The following MARCHF3 variants were observed in gnomAD, a reference collection of about 807,000 sequenced individuals.
MARCHF3 encodes the protein membrane associated ring-CH-type finger 3, also known as E3 ubiquitin-protein ligase MARCHF3.
A neutral mutation model predicts 24.2 loss-of-function variants in MARCHF3; 13 were observed. That is an observed-to-expected ratio of 0.54 (90% CI 0.35 to 0.85). MARCHF3 has a LOEUF of 0.85. Ranked by LOEUF, MARCHF3 falls within the 40% of genes least tolerant of loss-of-function variation. MARCHF3 has a pLI of 0.01. For synonymous variants in MARCHF3, 144 were observed against 137.3 expected (o/e 1.05, Z -0.34); for missense variants, 276 against 325.0 (o/e 0.85, Z 1.16).
At chr5:126,939,971 G>C (rs1749774251) in intron 1 of MARCHF3, among the ~76,000 whole-genome samples, 1 of 152,158 alleles carries the variant, frequency 6.6e-6, no homozygotes. Context: ...CTTGTGCTTA[G>C]GAACACTAGC....
intron 1 of MARCHF3, among the ~76,000 whole-genome samples, chr5:126,934,417 T>C (rs1471331207): frequency 1.3e-5 from 2 of 152,008 alleles, no homozygotes; most frequent in Non-Finnish European, 2.9e-5. Context: ...TAACTGCTAT[T>C]TGATGGTAGC....
intron 3 of MARCHF3, among the ~76,000 whole-genome samples, chr5:126,906,415 T>C (rs966895570): frequency 5.3e-5 from 8 of 152,230 alleles, no homozygotes; most frequent in Non-Finnish European, 8.8e-5. Flanking sequence ...CTTGTACCTC[T>C]GGTAGAATTC....
At chr5:126,924,240 A>G (rs1277915407) in intron 1 of MARCHF3, among the ~76,000 whole-genome samples, 1 of 152,222 alleles carries the variant, frequency 6.6e-6, no homozygotes, top group Non-Finnish European at 1.5e-5. Context: ...GTTCTGCGTC[A>G]TTAATGCTGG....
At position 127,003,422 on chromosome 5, in the gene MARCHF3, C is replaced by G. The variant is rs1017890974; in HGVS notation, c.-57+26928G>C. Among the ~76,000 whole-genome samples, 24 of 146,880 alleles carry G rather than the reference C, an allele frequency of 1.6e-4. 1 individual carries two copies. The highest frequency in any genetic ancestry group is 8.9e-4 in the Admixed American group (13 of 14,620). On this transcript the variant is annotated intron_variant, in intron 1 of 4. Coordinates refer to ENST00000308660, the MANE Select transcript of MARCHF3 (RefSeq NM_178450.5). Reference sequence around the variant, plus strand: ...GGCGGAGCTTGCAGTGAGCCGAGATCGCGCCACTGCACTCCAGCCTGGGCG... The same window carrying G: ...GGCGGAGCTTGCAGTGAGCCGAGATGGCGCCACTGCACTCCAGCCTGGGCG...
Position 126,879,573 on chromosome 5 carries a change from C to T in MARCHF3, c.394-1179G>A, listed in dbSNP as rs113385401. ...TTCTACAGTTAGGAAAATAGGATGG[C>T]TGTCCTCCCATTTGGGTACCTGCTT... On this transcript the variant is annotated intron_variant, in intron 3 of 4. Transcript: ENST00000308660. Among the ~76,000 whole-genome samples, 203 of 152,334 alleles carry T rather than the reference C, an allele frequency of 1.3e-3. 2 individuals carry two copies. Among genetic ancestry groups the T allele is most frequent in the African/African-American group, 4.7e-3 (194 of 41,572 alleles).
At chr5:126,914,811 CAGTCACAT>C (rs1754663490) in intron 3 of MARCHF3, 111 bp downstream of exon 3, 2 of 869,232 alleles carry the variant, frequency 2.3e-6, no homozygotes, top group Non-Finnish European at 3.6e-6. Context: ...CACACACACA[CAGTCACAT>C]AGCTATTACC....
At chr5:126,870,958 G>C (rs915536735) in intron 4 of MARCHF3, among the ~76,000 whole-genome samples, 167 bp from the exon 5 acceptor site, 19 of 152,256 alleles carry the variant, frequency 1.2e-4, no homozygotes, top group Admixed American at 8.5e-4. Flanking sequence ...AGTGTTGAGA[G>C]ATTGGGCACC....
intron 1 of MARCHF3, among the ~76,000 whole-genome samples, chr5:126,958,317 G>A (rs529021732): frequency 6.6e-6 from 1 of 151,096 alleles, no homozygotes; most frequent in East Asian, 1.9e-4. Flanking sequence ...GGTGCTTCCA[G>A]TTTACCATTA....
At chr5:127,006,203 A>G (rs2126854188) in intron 1 of MARCHF3, among the ~76,000 whole-genome samples, 1 of 150,604 alleles carries the variant, frequency 6.6e-6, no homozygotes, top group South Asian at 2.1e-4. Flanking sequence ...GCTCTGTCAA[A>G]AAAAAAAAAA....
chr5:127,023,235 C>T (rs567538987), intron 1 of MARCHF3, among the ~76,000 whole-genome samples: 6 of 152,236 alleles, frequency 3.9e-5, no homozygotes, highest in African/African-American at 1.4e-4. Flanking sequence ...TATAAGTCCC[C>T]TATTTGGTCC....
At chr5:126,937,330 C>T (rs1002924940) in intron 1 of MARCHF3, among the ~76,000 whole-genome samples, 2 of 151,480 alleles carry the variant, frequency 1.3e-5, no homozygotes, top group African/African-American at 4.9e-5. Flanking sequence ...ATCTGGTTAC[C>T]TTTTTTTTTC....
At chr5:126,921,752 G>T (rs751143022) in intron 1 of MARCHF3, among the ~76,000 whole-genome samples, 8 of 152,206 alleles carry the variant, frequency 5.3e-5, no homozygotes, top group Non-Finnish European at 1.0e-4. Flanking sequence ...AAACGGCACT[G>T]GTGGGATGGG....
intron 3 of MARCHF3, among the ~76,000 whole-genome samples, chr5:126,913,049 T>TGAC (rs1754595514): frequency 6.6e-6 from 1 of 152,268 alleles, no homozygotes; most frequent in Non-Finnish European, 1.5e-5. Context: ...GTCTGTGACC[T>TGAC]GACCTCAGCA....
intron 1 of MARCHF3, among the ~76,000 whole-genome samples, chr5:126,996,927 G>C (rs1751966061): frequency 2.0e-5 from 3 of 152,132 alleles, no homozygotes; most frequent in African/African-American, 7.2e-5. Context: ...AAACTTCTAG[G>C]AGGGTGCATA....
At chr5:126,964,298 G>T (rs1229095488) in intron 1 of MARCHF3, among the ~76,000 whole-genome samples, 1 of 152,186 alleles carries the variant, frequency 6.6e-6, no homozygotes, top group Non-Finnish European at 1.5e-5. Context: ...CACAAGGCTG[G>T]TTCATCCTGA....
intron 1 of MARCHF3, among the ~76,000 whole-genome samples, chr5:126,932,930 CA>C (rs778502951): frequency 6.6e-6 from 1 of 152,128 alleles, no homozygotes; most frequent in African/African-American, 2.4e-5. Context: ...CCTTTCCTAA[CA>C]ACAAAGGGAA....
intron 1 of MARCHF3, among the ~76,000 whole-genome samples, chr5:126,982,168 G>A (rs774343700): frequency 6.6e-6 from 1 of 152,168 alleles, no homozygotes. Flanking sequence ...TCACTGCTGT[G>A]CTAGAATAAC....
At chr5:126,908,339 C>T (rs1754379402) in intron 3 of MARCHF3, among the ~76,000 whole-genome samples, 1 of 152,054 alleles carries the variant, frequency 6.6e-6, no homozygotes, top group African/African-American at 2.4e-5. Flanking sequence ...GTGGTGTTCT[C>T]TGTATTTCCT....
intron 1 of MARCHF3, among the ~76,000 whole-genome samples, chr5:126,936,952 GC>G (rs1749666927): frequency 6.6e-6 from 1 of 152,222 alleles, no homozygotes; most frequent in Non-Finnish European, 1.5e-5. Context: ...CCTGGGTCAG[GC>G]CCCAGAGGCT....
Sources: allele counts gnomAD v4.1 joint callset (sites outside exome capture counted in the v4.1 genomes callset), GRCh38; gene constraint gnomAD v4.1.1; transcripts MANE v1.5; gene names NCBI Gene and HGNC (gene_info 2026-07-23, HGNC 2026-07-21).